Variants in PDGFRA observed in about 807,000 individuals in gnomAD.
The protein encoded by PDGFRA is platelet-derived growth factor receptor alpha.
In PDGFRA, 25 loss-of-function variants were observed where a neutral mutation model predicts 121.5. The ratio of observed to expected loss-of-function variants is 0.21; its 90% confidence interval spans 0.15 to 0.29. The LOEUF (loss-of-function observed/expected upper bound fraction) is 0.29. Ranked by LOEUF, PDGFRA falls within the 10% of genes least tolerant of loss-of-function variation. The pLI is 1.00. For synonymous variants in PDGFRA, 463 were observed against 494.8 expected (o/e 0.94, Z 0.85); for missense variants, 1,008 against 1,345.1 (o/e 0.75, Z 3.92).
At position 54,282,061 on chromosome 4, in the gene PDGFRA, A is replaced by G. The variant is rs890756643; in HGVS notation, c.2323+1579A>G. ...TGTGTTTATGTGTATGTGTGTTTTA[A>G]AGGTAGCTGAGATGATTTGCTAATT... On this transcript the variant is annotated intron_variant, in intron 16 of 22. Coordinates refer to ENST00000257290, the MANE Select transcript of PDGFRA (RefSeq NM_006206.6). 2.1e-5 allele frequency: 15 copies of G among 700,020 alleles called. No homozygotes were observed. The African/African-American group carries it at 2.9e-4, about 13-fold the overall frequency. The allele number at this position is 700,020 out of a possible 1,614,324, so 43.4% of individuals were successfully genotyped here.
intron 1 of PDGFRA, among the ~76,000 whole-genome samples, chr4:54,258,255 A>G (rs73151429): frequency 0.019 from 2,960 of 152,212 alleles, 107 homozygotes; most frequent in African/African-American, 0.068. Context: ...TGAGCCTGGT[A>G]TGTGCCTCAG....
intron 18 of PDGFRA, among the ~76,000 whole-genome samples, chr4:54,287,171 T>C (rs886209647): frequency 6.6e-6 from 1 of 152,236 alleles, no homozygotes; most frequent in African/African-American, 2.4e-5. Flanking sequence ...TCAGGATTAA[T>C]GTTTTTGGAT....
intron 1 of PDGFRA, among the ~76,000 whole-genome samples, chr4:54,234,002 C>T (rs1433776420): frequency 6.6e-6 from 1 of 152,200 alleles, no homozygotes; most frequent in Non-Finnish European, 1.5e-5. Flanking sequence ...AGGCGGTCCC[C>T]CTGCCCCGAG....
At chr4:54,254,463 A>C (rs1178649554) in intron 1 of PDGFRA, among the ~76,000 whole-genome samples, 2 of 152,218 alleles carry the variant, frequency 1.3e-5, no homozygotes, top group African/African-American at 4.8e-5. Context: ...CAGTGGGTCC[A>C]CCATGTCTGG....
At chr4:54,251,615 AC>A in intron 1 of PDGFRA, among the ~76,000 whole-genome samples, 1 of 152,308 alleles carries the variant, frequency 6.6e-6, no homozygotes, top group East Asian at 1.9e-4. Flanking sequence ...AATAAAAGCC[AC>A]TATGGAAAAC....
intron 1 of PDGFRA, among the ~76,000 whole-genome samples, chr4:54,245,930 C>T (rs1188766978): frequency 2.0e-5 from 3 of 152,092 alleles, no homozygotes; most frequent in African/African-American, 7.2e-5. Flanking sequence ...TCTGATAAAA[C>T]AGACTTTAAA....
intron 1 of PDGFRA, among the ~76,000 whole-genome samples, chr4:54,247,935 A>G (rs891960416): frequency 1.4e-4 from 21 of 151,964 alleles, no homozygotes; most frequent in African/African-American, 4.3e-4. Flanking sequence ...ATAACAGACA[A>G]ACAGCCAAAT....
At chr4:54,290,664 T>C in intron 22 of PDGFRA, 110 bp downstream of exon 22, 1 of 1,265,266 alleles carries the variant, frequency 7.9e-7, no homozygotes, top group East Asian at 2.3e-5. Flanking sequence ...AAATATGTAC[T>C]CAGGGACAAG....
intron 1 of PDGFRA, among the ~76,000 whole-genome samples, chr4:54,231,649 C>T (rs1720676975): frequency 6.6e-6 from 1 of 152,280 alleles, no homozygotes; most frequent in African/African-American, 2.4e-5. Context: ...GACTCCCCGA[C>T]AGGCGCAAGG....
Position 54,296,366 on chromosome 4 carries a change from A to AT in PDGFRA, c.*1094_*1095insT. 1.7e-5 allele frequency: 2 copies of AT among 115,420 alleles called. No homozygotes were observed. The highest frequency in any genetic ancestry group is 6.5e-5 in the African/African-American group (1 of 15,370). 7.1% of individuals were successfully genotyped at this position (115,420 alleles called of 1,614,324 possible). A position where few individuals can be genotyped will look rare whatever the true frequency, so the allele number is the denominator to read the frequency against. ...TCAGCAAAAAGACTGGATTTGCAGA[A>AT]GTTTTTTTTTTTTTTTTCTTCATGC... is the stretch of plus-strand genomic sequence containing the variant. On this transcript the variant is annotated 3_prime_UTR_variant, in exon 23 of 23. Transcript: ENST00000257290.
rs2307051 is a variant in PDGFRA, at chr4:54,274,995, C to T, written c.1786+22C>T. 6.6e-4 allele frequency: 1,058 copies of T among 1,613,424 alleles called. 17 individuals are homozygous for T. The East Asian group carries it at 0.022, about 34-fold the overall frequency. ...CTTGGTAAGTTCCATGGGGTAACCT[C>T]CCAAGACTCCCTTTTCCCTTGCACA... On this transcript the variant is annotated intron_variant, in intron 12 of 22. Transcript: ENST00000257290.
intron 3 of PDGFRA, among the ~76,000 whole-genome samples, chr4:54,263,317 G>T (rs1274236811): frequency 6.6e-6 from 1 of 152,012 alleles, no homozygotes; most frequent in Non-Finnish European, 1.5e-5. Flanking sequence ...TAGAGACAGG[G>T]TCTCTCTATG....
intron 5 of PDGFRA, among the ~76,000 whole-genome samples, chr4:54,266,411 C>CTTTTTTTTTTTTTTTTTTTT (rs552308043): frequency 7.7e-6 from 1 of 130,546 alleles, no homozygotes; most frequent in Non-Finnish European, 1.7e-5. Context: ...TTTCTTTTTT[C>CTTTTTTTTTTTTTTTTTTTT]TTTTTTTTTT....
At chr4:54,273,129 C>G (rs753231032) in intron 9 of PDGFRA, among the ~76,000 whole-genome samples, 3 of 152,128 alleles carry the variant, frequency 2.0e-5, no homozygotes, top group Non-Finnish European at 4.4e-5. Flanking sequence ...ATCATCGCAA[C>G]CCTAGTGACA....
intron 7 of PDGFRA, among the ~76,000 whole-genome samples, chr4:54,268,807 A>C (rs1163341230): frequency 2.0e-5 from 3 of 152,222 alleles, no homozygotes; most frequent in Non-Finnish European, 4.4e-5. Flanking sequence ...CCAGAGAGGA[A>C]TAGGGTAACA....
intron 19 of PDGFRA, among the ~76,000 whole-genome samples, chr4:54,288,454 C>T (rs1724461795): frequency 6.6e-6 from 1 of 152,172 alleles, no homozygotes. Flanking sequence ...GTGAAAAAGA[C>T]TCTCTGGGTT....
chr4:54,263,785 C>A lies in PDGFRA; in HGVS notation c.486C>A (p.His162Gln), dbSNP rs1722882126. The A allele has an allele frequency of 6.2e-7, 1 of 1,614,066 alleles. No homozygotes were observed. Among genetic ancestry groups the A allele is most frequent in the Non-Finnish European group, 8.5e-7 (1 of 1,179,982 alleles). ...TTDPETPVTL[H>Q]NSEGVVPASY... ...ATCCCGAGACTCCTGTAACCTTACACAACAGTGAGGGGGTGGTACCTGCCT... is the reference window on the plus strand; with the variant it reads ...ATCCCGAGACTCCTGTAACCTTACAAAACAGTGAGGGGGTGGTACCTGCCT... Residue 162 changes from histidine to glutamine, a missense_variant, in exon 4 of 23, where the codon CAC becomes CAA. Around this residue, in one of 5 missense-constraint regions of PDGFRA, gnomAD observed 575 missense variants for 701.8 expected, o/e 0.82. Transcript: ENST00000257290.
intron 14 of PDGFRA, 149 bp downstream of exon 14, chr4:54,278,155 A>T: frequency 1.5e-6 from 1 of 688,096 alleles, no homozygotes; most frequent in South Asian, 1.6e-5. Flanking sequence ...CCTTGAATTG[A>T]TGGAAGCTCA....
At position 54,296,793 on chromosome 4, in the gene PDGFRA, C is replaced by T. The variant is rs886059457; in HGVS notation, c.*1521C>T. On this transcript the variant is annotated 3_prime_UTR_variant, in exon 23 of 23. Coordinates refer to ENST00000257290, the MANE Select transcript of PDGFRA (RefSeq NM_006206.6). ...TTGGAACAGGGTTGGCATTCAACCACGCAGGAAGCCTACTATTTAAATCCT... is the reference window on the plus strand; with the variant it reads ...TTGGAACAGGGTTGGCATTCAACCATGCAGGAAGCCTACTATTTAAATCCT... 2.1e-5 allele frequency: 5 copies of T among 232,868 alleles called. No individual in the cohort carries two copies. Among genetic ancestry groups the T allele is most frequent in the Non-Finnish European group, 4.2e-5 (5 of 117,878 alleles). 14.4% of individuals were successfully genotyped at this position (232,868 alleles called of 1,614,324 possible).
Sources: allele counts gnomAD v4.1 joint callset (sites outside exome capture counted in the v4.1 genomes callset), GRCh38; gene constraint gnomAD v4.1.1; regional missense constraint gnomAD v4.1.1; transcripts MANE v1.5; gene names NCBI Gene and HGNC (gene_info 2026-07-23, HGNC 2026-07-21).